Variants in PRDM5 observed in about 807,000 individuals in gnomAD.
PRDM5 encodes PR/SET domain 5, also known as PR domain zinc finger protein 5.
Under a neutral mutation model 81.2 loss-of-function variants are expected in PRDM5, and 56 were observed. The ratio of observed to expected loss-of-function variants is 0.69; its 90% confidence interval spans 0.56 to 0.86. PRDM5 has a LOEUF of 0.86. Ranked by LOEUF, PRDM5 falls within the 40% of genes least tolerant of loss-of-function variation. The probability of loss-of-function intolerance (pLI) is 0.00; values close to 1 mark genes in which losing one functional copy is unlikely to be tolerated. For missense variants in PRDM5, 697 were observed against 770.1 expected (o/e 0.91, Z 1.12); for synonymous variants, 267 against 256.4 (o/e 1.04, Z -0.39).
chr4:120,813,741 A>G lies in PRDM5; in HGVS notation c.866-2292T>C, dbSNP rs1045374936. Among the ~76,000 whole-genome samples, 6 of 152,314 alleles carry G rather than the reference A, an allele frequency of 3.9e-5. No homozygotes were observed. In the South Asian group the frequency reaches 1.2e-3, roughly 32 times the overall value. ...ACCTGAGGCACCATTCAGAAAGAAT[A>G]TTCCCTCTTTTCCAGGTCCTACTAG... On this transcript the variant is annotated intron_variant, in intron 7 of 15. Transcript: ENST00000264808.
chr4:120,863,867 G>A (rs991991391), intron 2 of PRDM5, among the ~76,000 whole-genome samples: 3 of 152,204 alleles, frequency 2.0e-5, no homozygotes, highest in African/African-American at 4.8e-5. Flanking sequence ...CATAATGAAC[G>A]ACAGAAGTAA....
chr4:120,888,829 T>A (rs914101958), intron 2 of PRDM5, among the ~76,000 whole-genome samples: 8 of 152,258 alleles, frequency 5.3e-5, no homozygotes, highest in African/African-American at 1.9e-4. Flanking sequence ...GATTCGCATT[T>A]CCCAGATAAC....
At chr4:120,831,568 C>T (rs577762098) in intron 3 of PRDM5, among the ~76,000 whole-genome samples, 7 of 151,910 alleles carry the variant, frequency 4.6e-5, no homozygotes, top group South Asian at 2.1e-4. Context: ...AAAGTCTCAA[C>T]GATAAGTCTA....
At chr4:120,870,080 A>G (rs906612586) in intron 2 of PRDM5, among the ~76,000 whole-genome samples, 1 of 152,020 alleles carries the variant, frequency 6.6e-6, no homozygotes. Flanking sequence ...TCGGAGGAGA[A>G]GGGGAGAAAC....
intron 2 of PRDM5, among the ~76,000 whole-genome samples, chr4:120,893,426 A>G (rs1406838310): frequency 6.6e-6 from 1 of 152,148 alleles, no homozygotes; most frequent in Non-Finnish European, 1.5e-5. Context: ...AATGGTGCAC[A>G]TGAGCTGTCT....
chr4:120,798,878 C>T (rs1247004764), intron 9 of PRDM5, among the ~76,000 whole-genome samples: 3 of 152,036 alleles, frequency 2.0e-5, no homozygotes, highest in Admixed American at 1.3e-4. Context: ...ATGTAAAATT[C>T]GTATTTATGC....
At chr4:120,821,117 A>G in intron 4 of PRDM5, 54 bp downstream of exon 4, 1 of 1,571,768 alleles carries the variant, frequency 6.4e-7, no homozygotes, top group Non-Finnish European at 8.8e-7. Context: ...AGTTTAAACT[A>G]CACTTTTTTC....
intron 3 of PRDM5, among the ~76,000 whole-genome samples, chr4:120,840,042 C>G (rs1757817040): frequency 6.6e-6 from 1 of 152,214 alleles, no homozygotes; most frequent in Admixed American, 6.5e-5. Context: ...GCAGGCATTT[C>G]AGAGCCTGCA....
At chr4:120,871,253 C>A (rs1342690685) in intron 2 of PRDM5, among the ~76,000 whole-genome samples, 1 of 152,212 alleles carries the variant, frequency 6.6e-6, no homozygotes, top group African/African-American at 2.4e-5. Context: ...CACCGTCTTC[C>A]ACATGACACC....
At chr4:120,722,976 C>T (rs1382622325) in intron 14 of PRDM5, among the ~76,000 whole-genome samples, 2 of 152,190 alleles carry the variant, frequency 1.3e-5, no homozygotes, top group African/African-American at 4.8e-5. Flanking sequence ...AAATTCTTGT[C>T]ATGTGACTTA....
chr4:120,686,323 T>C (rs966910813), intron 1 of PRDM5, among the ~76,000 whole-genome samples: 1 of 152,110 alleles, frequency 6.6e-6, no homozygotes, highest in Non-Finnish European at 1.5e-5. Context: ...ATAGAGAGAA[T>C]TGTGGACTTA....
At chr4:120,881,094 G>A (rs1762798959) in intron 2 of PRDM5, among the ~76,000 whole-genome samples, 1 of 152,032 alleles carries the variant, frequency 6.6e-6, no homozygotes, top group Non-Finnish European at 1.5e-5. Flanking sequence ...GATTTGTATT[G>A]AAAGTTTCAA....
intron 11 of PRDM5, among the ~76,000 whole-genome samples, chr4:120,783,671 C>A (rs1377666208): frequency 6.6e-6 from 1 of 152,080 alleles, no homozygotes; most frequent in Non-Finnish European, 1.5e-5. Context: ...GAAATTCCTG[C>A]AATTGCACAA....
chr4:120,873,840 T>C (rs1186221249), intron 2 of PRDM5, among the ~76,000 whole-genome samples: 1 of 152,242 alleles, frequency 6.6e-6, no homozygotes, highest in East Asian at 1.9e-4. Context: ...ACTTATTTTT[T>C]CAGCACCCAT....
intron 2 of PRDM5, among the ~76,000 whole-genome samples, chr4:120,891,648 C>CT (rs201359700): frequency 1.3e-5 from 2 of 151,504 alleles, no homozygotes; most frequent in East Asian, 3.9e-4. Context: ...AGCTTTCTAA[C>CT]TTTTTTTTTG....
At chr4:120,797,540 A>G (rs1561273309) in intron 10 of PRDM5, among the ~76,000 whole-genome samples, 1 of 152,166 alleles carries the variant, frequency 6.6e-6, no homozygotes, top group African/African-American at 2.4e-5. Context: ...TTTGGCTTCT[A>G]ATTTTATAAA....
intron 13 of PRDM5, among the ~76,000 whole-genome samples, chr4:120,763,221 GA>G (rs1243331710): frequency 2.0e-5 from 3 of 152,092 alleles, no homozygotes; most frequent in Admixed American, 2.0e-4. Context: ...TTTTCAGTCG[GA>G]AATCATAAAA....
intron 15 of PRDM5, among the ~76,000 whole-genome samples, chr4:120,707,335 A>G (rs774654113): frequency 2.0e-5 from 3 of 151,988 alleles, no homozygotes; most frequent in Non-Finnish European, 2.9e-5. Flanking sequence ...AAAAAAACAT[A>G]GTCATCTCAA....
At position 120,816,931 on chromosome 4, in the gene PRDM5, G is replaced by C. The variant is rs777677648; in HGVS notation, c.651-7C>G. The C allele has an allele frequency of 6.2e-7, 1 of 1,603,052 alleles. No homozygotes were observed. The highest frequency in any genetic ancestry group is 1.3e-5 in the African/African-American group (1 of 74,604). ...CGCTGTGCACTGAAGAACACTAAAG[G>C]GAAATAGGAAAAAGAGAAAGAAAAG... On this transcript the variant is annotated splice_region_variant and splice_polypyrimidine_tract_variant and intron_variant, in intron 5 of 15. Coordinates refer to ENST00000264808, the MANE Select transcript of PRDM5 (RefSeq NM_018699.4).
Sources: gnomAD v4.1 joint callset for allele counts (sites outside exome capture counted in the v4.1 genomes callset) on GRCh38, gnomAD v4.1.1 for gene constraint, MANE v1.5 for transcripts, NCBI Gene and HGNC (gene_info 2026-07-23, HGNC 2026-07-21) for gene names.